TRHDE: variants seen among roughly 807,000 people sequenced by gnomAD.
The protein encoded by TRHDE is thyrotropin-releasing hormone-degrading ectoenzyme.
TRHDE carries 72 observed loss-of-function variants against 125.7 expected under a neutral mutation model. The observed-to-expected ratio is 0.57, with a 90% confidence interval of 0.47 to 0.70. The LOEUF is 0.70. TRHDE is among the 30% of genes least tolerant of loss of function. The pLI is 0.00. For missense variants in TRHDE, 1,110 were observed against 1,327.1 expected (o/e 0.84, Z 2.54); for synonymous variants, 509 against 509.1 (o/e 1.00, Z 0.00).
At chr12:72,118,526 C>T (rs1347137410) in intron 2 of TRHDE, among the ~76,000 whole-genome samples, 1 of 151,982 alleles carries the variant, frequency 6.6e-6, no homozygotes, top group East Asian at 1.9e-4. Context: ...GTTGCTGTGT[C>T]TTTGTCTGTT....
intron 2 of TRHDE, among the ~76,000 whole-genome samples, chr12:72,123,302 G>A (rs969628921): frequency 1.3e-5 from 2 of 151,954 alleles, no homozygotes; most frequent in South Asian, 4.1e-4. Context: ...AGGGAGCTGT[G>A]AAAGATATGT....
At chr12:72,157,087 T>G (rs1360675433) in intron 2 of TRHDE, among the ~76,000 whole-genome samples, 2 of 151,932 alleles carry the variant, frequency 1.3e-5, no homozygotes, top group Admixed American at 6.6e-5. Flanking sequence ...GCAGAGGAAA[T>G]GGCAGGATCA....
chr12:72,519,221 G>C (rs1415594095), intron 6 of TRHDE, among the ~76,000 whole-genome samples: 3 of 152,108 alleles, frequency 2.0e-5, no homozygotes, highest in Admixed American at 6.5e-5. Context: ...AGTTCTCCTG[G>C]ATAATATCCT....
chr12:72,646,541 T>C (rs1456270783), intron 15 of TRHDE, among the ~76,000 whole-genome samples: 1 of 151,966 alleles, frequency 6.6e-6, no homozygotes, highest in East Asian at 1.9e-4. Context: ...AAAAAGTGGC[T>C]GAATGGATTA....
At chr12:72,286,989 A>C (rs774527013) in intron 2 of TRHDE, 35 bp downstream of exon 2, 3 of 1,599,052 alleles carry the variant, frequency 1.9e-6, no homozygotes, top group Admixed American at 1.7e-5. Context: ...TTTTTGGATA[A>C]TGTACACTCT....
intron 10 of TRHDE, among the ~76,000 whole-genome samples, chr12:72,572,048 G>A (rs995994019): frequency 1.4e-5 from 2 of 141,374 alleles, no homozygotes; most frequent in African/African-American, 5.5e-5. Flanking sequence ...TTGCTTTACG[G>A]ATCTGTCAGT....
chr12:72,272,454 G>A lies in TRHDE; in HGVS notation c.-190G>A. On this transcript the variant is annotated 5_prime_UTR_variant, in exon 1 of 19. Coordinates refer to ENST00000261180, the MANE Select transcript of TRHDE (RefSeq NM_013381.3). This position sits in a 1 kb window ranked among gnomAD's most constrained non-coding sequence, Gnocchi z 6.7. ...CACAGCCCGGTGTCCAGAGTGAGGC[G>A]GGGCTGATGGGGGTCGCGGAAGCTG... The A allele has an allele frequency of 2.0e-6, 1 of 490,034 alleles. No individual in the cohort carries two copies. Among genetic ancestry groups the A allele is most frequent in the Non-Finnish European group, 3.7e-6 (1 of 269,718 alleles). 30.4% of individuals were successfully genotyped at this position (490,034 alleles called of 1,614,324 possible). A position where few individuals can be genotyped will look rare whatever the true frequency, so the allele number is the denominator to read the frequency against.
At chr12:72,199,232 T>G (rs1877505614) in intron 2 of TRHDE, among the ~76,000 whole-genome samples, 1 of 152,158 alleles carries the variant, frequency 6.6e-6, no homozygotes, top group African/African-American at 2.4e-5. Context: ...AACAGGCTTC[T>G]ATATATTATT....
At chr12:72,477,755 A>C (rs915080689) in intron 5 of TRHDE, among the ~76,000 whole-genome samples, 2 of 152,202 alleles carry the variant, frequency 1.3e-5, no homozygotes, top group African/African-American at 4.8e-5. Flanking sequence ...TGCTTATTAA[A>C]ATACTGCAAT....
rs925737451 is a variant in TRHDE at position 72,663,157 on chromosome 12, G to A, written c.3172G>A (p.Glu1058Lys). Residue 1058 changes from glutamate to lysine, a missense_variant, in exon 19 of 19, where the codon GAG (glutamate) becomes AAG (lysine). Glu to Lys is a moderately conservative substitution (Grantham distance 56). Around this residue, in one of 5 missense-constraint regions of TRHDE, gnomAD observed 527 missense variants for 651.8 expected, o/e 0.81. Transcript: ENST00000261180. The part of the protein sequence containing the change: ...NVRWKMLYQD[E>K]LFQWLGKALR... ...GCGCTGGAAAATGCTTTACCAAGAC[G>A]AGCTTTTCCAATGGTTAGGAAAAGC... The A allele has an allele frequency of 2.0e-5, 33 of 1,612,644 alleles. No homozygotes were observed. The highest frequency in any genetic ancestry group is 1.2e-4 in the Admixed American group (7 of 59,850).
chr12:72,214,073 A>G (rs563405066), intron 2 of TRHDE, among the ~76,000 whole-genome samples: 1 of 152,290 alleles, frequency 6.6e-6, no homozygotes, highest in South Asian at 2.1e-4. Flanking sequence ...GAAGATCAAG[A>G]ATAAATAGCT....
chr12:72,135,082 A>G (rs1358031421), intron 2 of TRHDE, among the ~76,000 whole-genome samples: 2 of 152,208 alleles, frequency 1.3e-5, no homozygotes, highest in Non-Finnish European at 2.9e-5. Flanking sequence ...GAATGTAAAA[A>G]TGCATCAGGC....
intron 3 of TRHDE, among the ~76,000 whole-genome samples, chr12:72,378,790 A>G (rs570217916): frequency 1.7e-4 from 26 of 152,304 alleles, no homozygotes; most frequent in Admixed American, 1.2e-3. Context: ...TTCCTTTTAC[A>G]AAGAGAATGC....
chr12:72,232,826 G>A (rs1878272212), intron 2 of TRHDE, among the ~76,000 whole-genome samples: 1 of 152,044 alleles, frequency 6.6e-6, no homozygotes, highest in South Asian at 2.1e-4. Context: ...CTACCTAAAA[G>A]TGTACCCCTC....
chr12:72,597,714 T>C (rs948531431), intron 12 of TRHDE, among the ~76,000 whole-genome samples: 69 of 1,292 alleles, frequency 0.053, no homozygotes, highest in South Asian at 0.16. Context: ...TGTGTGTATG[T>C]ATATATATAT....
chr12:72,320,543 CTGTGTGTG>C (rs59244019), intron 2 of TRHDE, among the ~76,000 whole-genome samples: 19 of 143,172 alleles, frequency 1.3e-4, no homozygotes, highest in South Asian at 4.7e-4. Context: ...AGAGGGTTGA[CTGTGTGTG>C]TGTGTGTGTG....
Position 72,151,988 on chromosome 12 carries a change from G to T in TRHDE, n.279+46236G>T, listed in dbSNP as rs796959201. Among the ~76,000 whole-genome samples, 654 of 151,766 alleles carry T rather than the reference G, an allele frequency of 4.3e-3. 3 individuals are homozygous for T. The highest frequency in any genetic ancestry group is 0.038 in the South Asian group (184 of 4,786). On this transcript the variant is annotated intron_variant and non_coding_transcript_variant, in intron 2 of 4. Coordinates refer to the TRHDE transcript ENST00000548156. ...TTGAATCTGTAAATTACCTTGGGCA[G>T]TATGGCCATTTTCACAATATTGATT...
chr12:72,290,752 C>T (rs1024240529), intron 2 of TRHDE, among the ~76,000 whole-genome samples: 2 of 152,188 alleles, frequency 1.3e-5, no homozygotes, highest in Non-Finnish European at 2.9e-5. Flanking sequence ...CTGGCTTGTT[C>T]AAAGCATGAT....
At chr12:72,548,292 C>T (rs1253586542) in intron 7 of TRHDE, among the ~76,000 whole-genome samples, 1 of 151,674 alleles carries the variant, frequency 6.6e-6, no homozygotes, top group African/African-American at 2.4e-5. Context: ...ATTCCCTTCT[C>T]CTATAAATAA....
Sources: allele counts gnomAD v4.1 joint callset (sites outside exome capture counted in the v4.1 genomes callset), GRCh38; gene constraint gnomAD v4.1.1; regional missense constraint gnomAD v4.1.1; non-coding constraint Gnocchi (gnomAD v3.1); transcripts MANE v1.5; gene names NCBI Gene and HGNC (gene_info 2026-07-23, HGNC 2026-07-21).